Variants in AGBL1 observed in about 807,000 individuals in gnomAD.
AGBL1 encodes the protein AGBL carboxypeptidase 1.
AGBL1 carries 130 observed loss-of-function variants against 118.9 expected under a neutral mutation model. The ratio of observed to expected loss-of-function variants is 1.09; its 90% CI spans 0.95 to 1.26. AGBL1 has a LOEUF of 1.26. Ranked by LOEUF, AGBL1 falls within the 50% of genes most tolerant of loss-of-function variation. The pLI, the probability that AGBL1 is intolerant of heterozygous loss-of-function variation, is 0.00. For synonymous variants in AGBL1, 555 were observed against 478.9 expected (o/e 1.16, Z -2.08); for missense variants, 1,584 against 1,298.1 (o/e 1.22, Z -3.38).
At chr15:86,482,497 G>A (rs2082664780) in intron 18 of AGBL1, among the ~76,000 whole-genome samples, 1 of 152,114 alleles carries the variant, frequency 6.6e-6, no homozygotes, top group South Asian at 2.1e-4. Context: ...TATTCTGAAT[G>A]AGATGCTTTT....
At chr15:86,561,041 T>G (rs1196393704) in intron 21 of AGBL1, among the ~76,000 whole-genome samples, 5 of 152,246 alleles carry the variant, frequency 3.3e-5, no homozygotes, top group Non-Finnish European at 4.4e-5. Context: ...TATTAGCCCT[T>G]TGTCAGATGA....
In AGBL1 at chr15:86,871,353, C is replaced by T. The variant is rs187789301; in HGVS notation, c.3159-35734C>T. Among the ~76,000 whole-genome samples the T allele has an allele frequency of 8.3e-4, 126 of 152,194 alleles. 1 individual carries two copies. The highest frequency in any genetic ancestry group is 2.9e-3 in the African/African-American group (121 of 41,540). On this transcript the variant is annotated intron_variant, in intron 22 of 22. Coordinates refer to ENST00000614907, the MANE Select transcript of AGBL1 (RefSeq NM_001386094.1). ...CCTGACAACTGTTTCAATAGGAAGCCCAGATACCTTCACAAAACAAGCCTA... is the reference window on the plus strand; with the variant it reads ...CCTGACAACTGTTTCAATAGGAAGCTCAGATACCTTCACAAAACAAGCCTA...
intron 1 of AGBL1, among the ~76,000 whole-genome samples, chr15:86,119,547 C>T (rs966369336): frequency 2.6e-5 from 4 of 152,104 alleles, no homozygotes; most frequent in Admixed American, 1.3e-4. Context: ...TCTGCCCCCC[C>T]GGACCCATCA....
intron 21 of AGBL1, among the ~76,000 whole-genome samples, chr15:86,642,495 G>A (rs2142471434): frequency 6.6e-6 from 1 of 151,764 alleles, no homozygotes; most frequent in East Asian, 1.9e-4. Flanking sequence ...AGTTTACAGT[G>A]AATTCTTTTA....
intron 22 of AGBL1, among the ~76,000 whole-genome samples, chr15:86,705,467 T>A (rs1596387569): frequency 6.6e-6 from 1 of 152,120 alleles, no homozygotes; most frequent in African/African-American, 2.4e-5. Flanking sequence ...TGAAAATCAA[T>A]CTAGGTAATC....
chr15:86,117,701 C>T (rs1371203456), intron 1 of AGBL1, among the ~76,000 whole-genome samples: 1 of 152,184 alleles, frequency 6.6e-6, no homozygotes, highest in Non-Finnish European at 1.5e-5. Flanking sequence ...CCCTCCTGAT[C>T]ATCAAATGGG....
intron 23 of AGBL1, among the ~76,000 whole-genome samples, chr15:86,981,516 T>A (rs2081231629): frequency 6.6e-6 from 1 of 152,244 alleles, no homozygotes; most frequent in Non-Finnish European, 1.5e-5. Flanking sequence ...TTGTTCATGA[T>A]CTTTGTCCAT....
chr15:86,298,388 A>G (rs1390209754), intron 17 of AGBL1, among the ~76,000 whole-genome samples: 1 of 143,218 alleles, frequency 7.0e-6, no homozygotes, highest in Non-Finnish European at 1.5e-5. Context: ...TCTTATATAT[A>G]TATGAATATA....
At chr15:86,351,885 T>G (rs1230442725) in intron 17 of AGBL1, among the ~76,000 whole-genome samples, 2 of 152,208 alleles carry the variant, frequency 1.3e-5, no homozygotes, top group African/African-American at 4.8e-5. Flanking sequence ...TACCTAGTTT[T>G]GACAAAACAT....
intron 22 of AGBL1, among the ~76,000 whole-genome samples, chr15:86,863,258 T>A (rs1314175194): frequency 6.6e-6 from 1 of 152,194 alleles, no homozygotes; most frequent in African/African-American, 2.4e-5. Flanking sequence ...CATAGATATT[T>A]CAGATGCTTC....
intron 21 of AGBL1, chr15:86,556,339 T>C: frequency 1.4e-6 from 2 of 1,457,728 alleles, no homozygotes; most frequent in Admixed American, 1.7e-5. Flanking sequence ...TTGCATTGGG[T>C]CACTAGAAGG....
chr15:86,905,755 C>T (rs1056510370), intron 22 of AGBL1, among the ~76,000 whole-genome samples: 1 of 152,170 alleles, frequency 6.6e-6, no homozygotes, highest in Non-Finnish European at 1.5e-5. Flanking sequence ...CCATACCTAG[C>T]ATGATGGAGG....
chr15:86,228,669 A>G (rs1013135058), intron 6 of AGBL1, among the ~76,000 whole-genome samples: 2 of 152,190 alleles, frequency 1.3e-5, no homozygotes, highest in Non-Finnish European at 2.9e-5. Context: ...AAAGCAAGGG[A>G]AAGATCACCT....
intron 22 of AGBL1, among the ~76,000 whole-genome samples, chr15:86,696,095 G>T (rs1464244025): frequency 1.3e-5 from 2 of 151,938 alleles, no homozygotes; most frequent in African/African-American, 4.8e-5. Context: ...CATCTATCAG[G>T]TTCATTTGTT....
At chr15:86,783,381 T>C (rs1437439637) in intron 22 of AGBL1, among the ~76,000 whole-genome samples, 1 of 152,224 alleles carries the variant, frequency 6.6e-6, no homozygotes, top group Non-Finnish European at 1.5e-5. Flanking sequence ...AAGTCTGTTG[T>C]TTAAAGCAAA....
chr15:86,386,660 A>T (rs1404071595), intron 17 of AGBL1, among the ~76,000 whole-genome samples: 1 of 151,954 alleles, frequency 6.6e-6, no homozygotes, highest in Non-Finnish European at 1.5e-5. Context: ...TTCTAAAATG[A>T]TGATTCCACT....
chr15:86,248,570 T>C (rs972720034), intron 7 of AGBL1, among the ~76,000 whole-genome samples: 8 of 152,134 alleles, frequency 5.3e-5, no homozygotes, highest in African/African-American at 1.9e-4. Context: ...ACCTAGGTTG[T>C]TGTGTGGACT....
chr15:86,451,744 T>G (rs1300662477), intron 18 of AGBL1, among the ~76,000 whole-genome samples: 1 of 152,110 alleles, frequency 6.6e-6, no homozygotes, highest in African/African-American at 2.4e-5. Context: ...TCCCTTTTTC[T>G]CCAGGCCTTG....
intron 18 of AGBL1, among the ~76,000 whole-genome samples, chr15:86,413,402 C>T (rs77234373): frequency 0.045 from 6,892 of 152,158 alleles, 245 homozygotes; most frequent in East Asian, 0.15. Flanking sequence ...AGACAGATAA[C>T]GCAGGATTGA....
Sources: gnomAD v4.1 joint callset for allele counts (sites outside exome capture counted in the v4.1 genomes callset) on GRCh38, gnomAD v4.1.1 for gene constraint, MANE v1.5 for transcripts, NCBI Gene and HGNC (gene_info 2026-07-23, HGNC 2026-07-21) for gene names.